Variants in DCUN1D4 observed in about 807,000 individuals in gnomAD.
The protein encoded by DCUN1D4 is defective in cullin neddylation 1 domain containing 4.
DCUN1D4 carries 22 observed loss-of-function variants against 47.9 expected under a neutral mutation model. The observed-to-expected ratio is 0.46, with a 90% CI of 0.33 to 0.66. The LOEUF (loss-of-function observed/expected upper bound fraction) is 0.66, where lower values mean the gene tolerates loss of function less well. Among genes scored for constraint, DCUN1D4 ranks in the 30% least tolerant of loss-of-function variants. DCUN1D4 has a pLI of 0.02. For synonymous variants in DCUN1D4, 121 were observed against 112.2 expected (o/e 1.08, Z -0.50); for missense variants, 301 against 340.8 (o/e 0.88, Z 0.92).
rs987504997 is a variant in DCUN1D4 at position 51,914,238 on chromosome 4, T to G, written c.*654T>G. 1.3e-5 allele frequency: 2 copies of G among 152,206 alleles called. No homozygotes were observed. Among genetic ancestry groups the G allele is most frequent in the African/African-American group, 4.8e-5 (2 of 41,470 alleles). The allele number at this position is 152,206 out of a possible 1,614,324, so 9.4% of individuals were successfully genotyped here. On this transcript the variant is annotated 3_prime_UTR_variant, in exon 11 of 11. Coordinates refer to ENST00000334635, the MANE Select transcript of DCUN1D4 (RefSeq NM_001040402.3). ...GCAAGGTGTATAAGTTGTTTATTTT[T>G]TAGTGTTAAAACTATAATAGCTTGA...
intron 5 of DCUN1D4, among the ~76,000 whole-genome samples, chr4:51,882,331 G>A (rs1728783229): frequency 6.6e-6 from 1 of 152,186 alleles, no homozygotes; most frequent in South Asian, 2.1e-4. Flanking sequence ...AATAAGTAGA[G>A]AAACATTACC....
In DCUN1D4 at chr4:51,891,699, T is replaced by C. The variant is rs965869579; in HGVS notation, c.415-61T>C. On this transcript the variant is annotated intron_variant, in intron 6 of 10. Transcript: ENST00000334635. ...TTAATGTATTAATGACAGATCTATT[T>C]GTTTTTTCTTTTTAATTTGTGTAAT... 3.9e-5 allele frequency: 52 copies of C among 1,329,590 alleles called. 1 individual carries two copies. Among genetic ancestry groups the C allele is most frequent in the Non-Finnish European group, 4.2e-6 (4 of 949,586 alleles). 82.4% of individuals were successfully genotyped at this position (1,329,590 alleles called of 1,614,324 possible).
At chr4:51,912,691 T>C (rs1733883541) in intron 9 of DCUN1D4, among the ~76,000 whole-genome samples, 1 of 152,226 alleles carries the variant, frequency 6.6e-6, no homozygotes, top group Admixed American at 6.5e-5. Flanking sequence ...TAGCTTCTTT[T>C]ATGATCAGAT....
intron 5 of DCUN1D4, among the ~76,000 whole-genome samples, chr4:51,883,669 A>T (rs1729037170): frequency 6.6e-6 from 1 of 152,234 alleles, no homozygotes; most frequent in Non-Finnish European, 1.5e-5. Flanking sequence ...TGAAATGATT[A>T]AATTATTTTA....
At chr4:51,903,083 C>T (rs531303853) in intron 8 of DCUN1D4, among the ~76,000 whole-genome samples, 1 of 152,110 alleles carries the variant, frequency 6.6e-6, no homozygotes. Context: ...GCAAAAATGT[C>T]TTTTATTGTT....
chr4:51,872,943 A>G (rs181145166), intron 3 of DCUN1D4, among the ~76,000 whole-genome samples: 10 of 152,336 alleles, frequency 6.6e-5, no homozygotes, highest in East Asian at 3.9e-4. Context: ...CCCGAACACA[A>G]CACTTGGCAC....
intron 4 of DCUN1D4, chr4:51,877,422 A>G (rs969776515): frequency 6.7e-5 from 11 of 163,954 alleles, no homozygotes; most frequent in African/African-American, 2.4e-5. Context: ...TAATAAATGT[A>G]GGCAAGACAT....
intron 1 of DCUN1D4, among the ~76,000 whole-genome samples, chr4:51,849,916 C>CCAAATA (rs1723124817): frequency 6.6e-6 from 1 of 151,808 alleles, no homozygotes; most frequent in African/African-American, 2.4e-5. Context: ...ATCTGATGTA[C>CCAAATA]CAAATACCTT....
chr4:51,847,647 G>A (rs1722762449), intron 1 of DCUN1D4, among the ~76,000 whole-genome samples: 1 of 151,214 alleles, frequency 6.6e-6, no homozygotes, highest in Admixed American at 6.6e-5. Context: ...TTAGAGGTTG[G>A]GTCTTGTTAT....
chr4:51,841,249 A>T (rs1190978165), upstream of DCUN1D4, among the ~76,000 whole-genome samples: 1 of 152,226 alleles, frequency 6.6e-6, no homozygotes, highest in Non-Finnish European at 1.5e-5. Context: ...GTAAAAAAAA[A>T]AATCATAAAT....
chr4:51,910,954 G>A (rs1048726596), intron 8 of DCUN1D4, 116 bp from the exon 9 acceptor site: 12 of 995,234 alleles, frequency 1.2e-5, no homozygotes, highest in Admixed American at 5.5e-5. Context: ...GGTCTTTAAG[G>A]TGTATGATAA....
Position 51,913,393 on chromosome 4 carries a change from G to A in DCUN1D4, c.823+1G>A. On this transcript the variant is annotated splice_donor_variant, in intron 10 of 10. Coordinates refer to ENST00000334635, the MANE Select transcript of DCUN1D4 (RefSeq NM_001040402.3). LOFTEE classifies it high-confidence loss of function. ...AGCAACTATGATGAAGATGGAGCAT[G>A]TAAGTACTGCCGCTACCATTCTGCC... 1 of 1,608,770 alleles carries A rather than the reference G, an allele frequency of 6.2e-7. No individual in the cohort carries two copies. The highest frequency in any genetic ancestry group is 8.5e-7 in the Non-Finnish European group (1 of 1,175,836).
At chr4:51,864,128 A>G (rs745478542) in intron 3 of DCUN1D4, among the ~76,000 whole-genome samples, 8 of 152,334 alleles carry the variant, frequency 5.3e-5, no homozygotes, top group Admixed American at 2.6e-4. Context: ...TTGAAGCTTG[A>G]TTAGTATAAG....
At chr4:51,838,184 C>T, upstream of DCUN1D4, among the ~76,000 whole-genome samples, 1 of 152,078 alleles carries the variant, frequency 6.6e-6, no homozygotes, top group East Asian at 1.9e-4. Flanking sequence ...GAATTTATAA[C>T]ATTCAGCAGA....
chr4:51,913,691 T>G lies in DCUN1D4; in HGVS notation c.*107T>G, dbSNP rs972076738. 9.9e-7 allele frequency: 1 copy of G among 1,013,968 alleles called. No individual in the cohort carries two copies. The highest frequency in any genetic ancestry group is 1.5e-6 in the Non-Finnish European group (1 of 660,194). The allele number at this position is 1,013,968 out of a possible 1,614,324, so 62.8% of individuals were successfully genotyped here. A position where few individuals can be genotyped will look rare whatever the true frequency, so the allele number is the denominator to read the frequency against. On this transcript the variant is annotated 3_prime_UTR_variant, in exon 11 of 11. Coordinates refer to ENST00000334635, the MANE Select transcript of DCUN1D4 (RefSeq NM_001040402.3). The stretch of plus-strand genomic sequence containing the variant: ...CGCATGCTGCTTCTCTTGCACTGTT[T>G]CCCTTTCGCAGGGACATGTTGGTGT...
In DCUN1D4 at chr4:51,863,657, A is replaced by T. The variant is rs1471120895; in HGVS notation, c.97-13A>T. On this transcript the variant is annotated splice_polypyrimidine_tract_variant and intron_variant, in intron 2 of 10. Transcript: ENST00000334635. ...ATGTGATTTCTTCGTAATAACGAAC[A>T]TATTTCTTTCAGAACCTAACAGAAG... is the stretch of plus-strand genomic sequence containing the variant. The T allele has an allele frequency of 1.2e-6, 2 of 1,613,028 alleles. No homozygotes were observed. The highest frequency in any genetic ancestry group is 1.7e-6 in the Non-Finnish European group (2 of 1,179,734).
At chr4:51,854,775 C>G (rs181580894) in intron 1 of DCUN1D4, among the ~76,000 whole-genome samples, 95 of 152,288 alleles carry the variant, frequency 6.2e-4, no homozygotes, top group Admixed American at 1.3e-3. Context: ...TTGGTACCTG[C>G]CTTGTGCTAG....
At chr4:51,869,194 G>A (rs1726482756) in intron 3 of DCUN1D4, among the ~76,000 whole-genome samples, 1 of 151,178 alleles carries the variant, frequency 6.6e-6, no homozygotes, top group African/African-American at 2.4e-5. Context: ...AAATGAGTAG[G>A]GATGATGATG....
chr4:51,861,958 A>G (rs1238093603), intron 1 of DCUN1D4, among the ~76,000 whole-genome samples: 1 of 152,180 alleles, frequency 6.6e-6, no homozygotes, highest in Non-Finnish European at 1.5e-5. Context: ...AAATAGGTGT[A>G]TAATACACAT....
Sources: gnomAD v4.1 joint callset for allele counts (sites outside exome capture counted in the v4.1 genomes callset) on GRCh38, gnomAD v4.1.1 for gene constraint, MANE v1.5 for transcripts, NCBI Gene and HGNC (gene_info 2026-07-23, HGNC 2026-07-21) for gene names.